The following CFAP92 variants were observed in gnomAD, a reference collection of about 807,000 sequenced individuals.
The protein encoded by CFAP92 is uncharacterized protein CFAP92.
Under a neutral mutation model 106.3 loss-of-function variants are expected in CFAP92, and 86 were observed. The ratio of observed to expected loss-of-function variants is 0.81; its 90% CI spans 0.68 to 0.97. The LOEUF (loss-of-function observed/expected upper bound fraction) is 0.97, where lower values mean the gene tolerates loss of function less well. CFAP92 is among the 50% of genes least tolerant of loss of function. The pLI, the probability that CFAP92 is intolerant of heterozygous loss-of-function variation, is 0.00. For synonymous variants in CFAP92, 477 were observed against 506.4 expected (o/e 0.94, Z 0.78); for missense variants, 1,204 against 1,283.8 (o/e 0.94, Z 0.95).
intron 12 of CFAP92, among the ~76,000 whole-genome samples, chr3:128,931,586 A>G (rs1938401348): frequency 6.6e-6 from 1 of 151,182 alleles, no homozygotes; most frequent in Non-Finnish European, 1.5e-5. Context: ...CCAACTAGAG[A>G]AGATAGAAAA....
At chr3:128,959,776 A>G (rs768294865) in intron 9 of CFAP92, among the ~76,000 whole-genome samples, 4 of 152,208 alleles carry the variant, frequency 2.6e-5, no homozygotes, top group African/African-American at 4.8e-5. Context: ...TCTCTTTTGT[A>G]TCTCACTGTG....
the CFAP92 span, among the ~76,000 whole-genome samples, chr3:129,021,274 T>C: frequency 6.6e-6 from 1 of 152,234 alleles, no homozygotes; most frequent in Non-Finnish European, 1.5e-5. Context: ...CACAGGGTTT[T>C]CCACAAGGTT....
intron 12 of CFAP92, among the ~76,000 whole-genome samples, chr3:128,927,834 A>G (rs1937860915): frequency 6.6e-6 from 1 of 152,254 alleles, no homozygotes; most frequent in Admixed American, 6.5e-5. Flanking sequence ...CTTGCACACT[A>G]AGAACTACAG....
chr3:128,935,153 G>A lies in CFAP92; in HGVS notation c.2425C>T (p.Arg809Trp), dbSNP rs144985265. 165 of 1,534,402 alleles carry A rather than the reference G, an allele frequency of 1.1e-4. No individual in the cohort carries two copies. The African/African-American group carries it at 1.9e-3, about 17-fold the overall frequency. ...QAVFFLRDTE[R>W]RRVFQALARI... The stretch of plus-strand genomic sequence containing the variant: ...GCTAGAGCCTGGAAGACCCGCCTCC[G>A]CTCAGTGTCTCGCAGGAAGAACACC... The change falls in exon 11 of 16, where the codon CGG becomes TGG. Residue 809 changes from arginine to tryptophan, a missense_variant. Arg to Trp is a moderately radical substitution (Grantham distance 101). Transcript: ENST00000645291.
In CFAP92 at chr3:128,917,935, A is replaced by T. The variant is rs12637227; in HGVS notation, c.2752-1664T>A. Among the ~76,000 whole-genome samples the T allele has an allele frequency of 2.8e-4, 41 of 148,342 alleles. No homozygotes were observed. In the East Asian group the frequency reaches 7.5e-3, roughly 27 times the overall value. Reference sequence around the variant, plus strand: ...GAAGCAATAATGAATGTCAGAAAAGACAAAACTTCCAAGCCTGGGTACACT... The same window carrying T: ...GAAGCAATAATGAATGTCAGAAAAGTCAAAACTTCCAAGCCTGGGTACACT... On this transcript the variant is annotated intron_variant, in intron 12 of 15. Coordinates refer to ENST00000645291, the MANE Select transcript of CFAP92 (RefSeq NM_001394090.1).
intron 7 of CFAP92, among the ~76,000 whole-genome samples, chr3:128,975,097 G>A (rs931223040): frequency 6.6e-6 from 1 of 152,070 alleles, no homozygotes; most frequent in South Asian, 2.1e-4. Context: ...TCCAGCCTGG[G>A]TGACAGAGTG....
chr3:129,003,965 C>A, upstream of CFAP92: 1 of 1,449,990 alleles, frequency 6.9e-7, no homozygotes, highest in East Asian at 3.0e-5. Context: ...GGAGGCCCGG[C>A]AGGTGGTGCT....
intron 2 of CFAP92, chr3:128,991,363 G>A (rs970823877): frequency 3.9e-5 from 6 of 152,244 alleles, no homozygotes; most frequent in African/African-American, 1.5e-4. Flanking sequence ...CCAACCAGTC[G>A]GCCTCCAAAA....
chr3:128,973,169 C>T (rs146268134), intron 7 of CFAP92, among the ~76,000 whole-genome samples: 22 of 152,306 alleles, frequency 1.4e-4, no homozygotes, highest in African/African-American at 5.3e-4. Context: ...AAACACAAAG[C>T]TGGCAGATCA....
At chr3:128,937,312 C>CAAAAAA (rs34884891) in intron 10 of CFAP92, among the ~76,000 whole-genome samples, 1 of 85,286 alleles carries the variant, frequency 1.2e-5, no homozygotes, top group African/African-American at 4.7e-5. Context: ...GACCCTGTCT[C>CAAAAAA]AAAAAAAAAA....
chr3:128,921,535 GA>G (rs370529974), intron 12 of CFAP92, among the ~76,000 whole-genome samples: 3 of 152,216 alleles, frequency 2.0e-5, no homozygotes, highest in African/African-American at 7.2e-5. Context: ...GCTATGGCTG[GA>G]TTGAAAGTAG....
At chr3:128,976,729 G>A (rs1238647082) in intron 6 of CFAP92, among the ~76,000 whole-genome samples, 3 of 152,150 alleles carry the variant, frequency 2.0e-5, no homozygotes, top group African/African-American at 7.2e-5. Flanking sequence ...TTTAGGAAAC[G>A]GAGATAGTCA....
At chr3:128,931,683 A>G (rs1938410743) in intron 12 of CFAP92, among the ~76,000 whole-genome samples, 1 of 152,008 alleles carries the variant, frequency 6.6e-6, no homozygotes, top group Admixed American at 6.6e-5. Context: ...GAATTGATAA[A>G]TCCAAGAACT....
At position 128,932,889 on chromosome 3, in the gene CFAP92, G is replaced by A. The variant is rs1380555856; in HGVS notation, c.2562C>T (p.Pro854=). The A allele has an allele frequency of 5.9e-6, 9 of 1,536,156 alleles. No individual in the cohort carries two copies. The South Asian group carries it at 7.1e-5, about 12-fold the overall frequency. ...CATCTGTGAGTTCTTCTTGCGAAAG[G>A]GGCATCCCAAACTCTTGGCTCAAGT... ...IKDLSQEFGM[P]LSQEELTDEK... is the part of the protein sequence containing the mutation. Residue 854 remains proline (P), a synonymous_variant, in exon 12 of 16, where the codon CCC becomes CCT. Transcript: ENST00000645291.
intron 10 of CFAP92, among the ~76,000 whole-genome samples, chr3:128,942,956 T>C (rs2107724083): frequency 1.5e-5 from 2 of 137,754 alleles, no homozygotes; most frequent in African/African-American, 5.7e-5. Context: ...AGTCTAGCTC[T>C]GTCACCCAGG....
At position 128,935,306 on chromosome 3, in the gene CFAP92, C is replaced by T. The variant is rs777341149; in HGVS notation, c.2272G>A (p.Glu758Lys). ...ENHQSWIPRS[E>K]HRKYKVLYNS... ...TACAGCACCTTGTATTTCCTGTGTT[C>T]TGACCTGGGAATCCTGCAAGAGACA... Residue 758 changes from glutamate (E) to lysine (K), a missense_variant, in exon 11 of 16, where the codon GAA becomes AAA. Transcript: ENST00000645291. 23 of 1,512,738 alleles carry T rather than the reference C, an allele frequency of 1.5e-5. No individual in the cohort carries two copies. The highest frequency in any genetic ancestry group is 1.8e-6 in the Non-Finnish European group (2 of 1,131,746). 93.7% of individuals were successfully genotyped at this position (1,512,738 alleles called of 1,614,324 possible).
chr3:128,965,403 GACC>G (rs1341640344), intron 9 of CFAP92, 105 bp downstream of exon 9: 2 of 397,674 alleles, frequency 5.0e-6, no homozygotes, highest in Non-Finnish European at 4.4e-6. Flanking sequence ...GTATGAGAAT[GACC>G]ACATTTCTCA....
At chr3:129,010,748 A>G in the CFAP92 span, among the ~76,000 whole-genome samples, 1 of 152,202 alleles carries the variant, frequency 6.6e-6, no homozygotes, top group African/African-American at 2.4e-5. This position sits in a 1 kb window ranked among gnomAD's most constrained non-coding sequence, Gnocchi z 4.3. Context: ...CTCGGATTCC[A>G]TCGTCCTTGG....
intron 6 of CFAP92, among the ~76,000 whole-genome samples, chr3:128,976,571 T>C (rs968901408): frequency 1.3e-5 from 2 of 152,136 alleles, no homozygotes; most frequent in African/African-American, 4.8e-5. Context: ...TCCAGACCCT[T>C]CTTGGGCTAC....
Sources: gnomAD v4.1 joint callset for allele counts (sites outside exome capture counted in the v4.1 genomes callset) on GRCh38, gnomAD v4.1.1 for gene constraint, Gnocchi (gnomAD v3.1) non-coding constraint, MANE v1.5 for transcripts, NCBI Gene and HGNC (gene_info 2026-07-23, HGNC 2026-07-21) for gene names.